Variants in RIMS2 observed in about 807,000 individuals in gnomAD.
RIMS2 encodes the protein regulating synaptic membrane exocytosis protein 2.
RIMS2 carries 59 observed loss-of-function variants against 174.4 expected under a neutral mutation model. That is an observed-to-expected ratio of 0.34 (90% CI 0.27 to 0.42). RIMS2 has a LOEUF of 0.42. Ranked by LOEUF, RIMS2 falls within the 10% of genes least tolerant of loss-of-function variation. RIMS2 has a pLI of 1.00. For missense variants in RIMS2, 1,620 were observed against 1,666.3 expected (o/e 0.97, Z 0.48); for synonymous variants, 606 against 572.5 (o/e 1.06, Z -0.84).
intron 19 of RIMS2, among the ~76,000 whole-genome samples, chr8:104,170,762 A>G (rs1032359677): frequency 6.6e-6 from 1 of 151,994 alleles, no homozygotes; most frequent in East Asian, 1.9e-4. Flanking sequence ...TGTGAGATTT[A>G]TGATTTAAGG....
chr8:103,980,432 C>T (rs1363433151), intron 16 of RIMS2, among the ~76,000 whole-genome samples: 1 of 152,178 alleles, frequency 6.6e-6, no homozygotes, highest in East Asian at 1.9e-4. Context: ...CAATGATACC[C>T]AGGAACTATG....
chr8:103,772,956 A>G (rs2098270487), intron 3 of RIMS2, among the ~76,000 whole-genome samples: 1 of 152,222 alleles, frequency 6.6e-6, no homozygotes, highest in Non-Finnish European at 1.5e-5. Context: ...AAAGTGGATC[A>G]TAGAGATAAA....
At chr8:104,098,545 T>A (rs2097801705) in intron 19 of RIMS2, among the ~76,000 whole-genome samples, 1 of 152,172 alleles carries the variant, frequency 6.6e-6, no homozygotes, top group African/African-American at 2.4e-5. Flanking sequence ...CTCTATACAC[T>A]TATGGTTCTC....
chr8:103,618,990 C>A (rs1487602075), intron 1 of RIMS2, among the ~76,000 whole-genome samples: 1 of 150,928 alleles, frequency 6.6e-6, no homozygotes, highest in Non-Finnish European at 1.5e-5. Flanking sequence ...ATAAAAGTTG[C>A]TTGAATGACA....
At chr8:103,628,359 T>G (rs1221897332) in intron 1 of RIMS2, among the ~76,000 whole-genome samples, 1 of 151,210 alleles carries the variant, frequency 6.6e-6, no homozygotes, top group African/African-American at 2.4e-5. Flanking sequence ...TCCCTGTTTT[T>G]TTTTTTTTTT....
At chr8:104,223,781 G>A (rs2138701963) in intron 19 of RIMS2, 2 of 1,596,358 alleles carry the variant, frequency 1.3e-6, no homozygotes, top group African/African-American at 1.3e-5. Flanking sequence ...CTCCCTGGAG[G>A]AGGAAGAAGG....
At chr8:103,851,583 C>T (rs763041997) in intron 3 of RIMS2, among the ~76,000 whole-genome samples, 2 of 150,344 alleles carry the variant, frequency 1.3e-5, no homozygotes, top group Non-Finnish European at 3.0e-5. Flanking sequence ...CTTATAGTTG[C>T]TAGCTGCAGA....
intron 19 of RIMS2, among the ~76,000 whole-genome samples, chr8:104,047,163 TTAAG>T (rs1300571252): frequency 2.0e-5 from 3 of 152,026 alleles, no homozygotes; most frequent in Non-Finnish European, 4.4e-5. Context: ...TATTTAGTGA[TTAAG>T]TAAGTCATTT....
At chr8:103,633,120 G>A (rs988671214) in intron 1 of RIMS2, among the ~76,000 whole-genome samples, 1 of 150,490 alleles carries the variant, frequency 6.6e-6, no homozygotes, top group Non-Finnish European at 1.5e-5. Context: ...TCCATCTCCT[G>A]AGTTCAGGCA....
chr8:103,940,659 T>C (rs919913611), intron 13 of RIMS2, among the ~76,000 whole-genome samples: 1 of 152,074 alleles, frequency 6.6e-6, no homozygotes, highest in Non-Finnish European at 1.5e-5. Context: ...GCAGATCACC[T>C]GAGGTCAGGA....
chr8:103,711,353 G>T (rs559528360), intron 2 of RIMS2, among the ~76,000 whole-genome samples: 3 of 152,128 alleles, frequency 2.0e-5, no homozygotes, highest in Admixed American at 1.3e-4. Context: ...ATTTCATTCA[G>T]GCAACAGATT....
intron 2 of RIMS2, among the ~76,000 whole-genome samples, chr8:103,699,165 A>G (rs79329699): frequency 6.6e-4 from 100 of 152,308 alleles, no homozygotes; most frequent in Middle Eastern, 3.4e-3. Context: ...TTTAGTATCC[A>G]TGGAATCTGC....
At chr8:103,517,870 A>G (rs887936105) in intron 1 of RIMS2, among the ~76,000 whole-genome samples, 2 of 151,732 alleles carry the variant, frequency 1.3e-5, no homozygotes, top group Non-Finnish European at 2.9e-5. Context: ...TGGAAGAAGA[A>G]GAATTGTCTT....
intron 19 of RIMS2, 86 bp downstream of exon 24, chr8:104,093,729 T>C (rs1448950326): frequency 1.9e-6 from 2 of 1,033,310 alleles, no homozygotes; most frequent in Non-Finnish European, 2.7e-6. Context: ...TATTTATTTC[T>C]AACAGGTTAA....
intron 1 of RIMS2, among the ~76,000 whole-genome samples, chr8:103,517,706 G>A (rs1829651020): frequency 6.6e-6 from 1 of 152,098 alleles, no homozygotes; most frequent in Non-Finnish European, 1.5e-5. Flanking sequence ...GTGCCCTGTT[G>A]TTGGTGGAGG....
chr8:104,148,821 C>T (rs1421709669), intron 19 of RIMS2: 7 of 1,598,192 alleles, frequency 4.4e-6, no homozygotes, highest in South Asian at 3.3e-5. Flanking sequence ...ACGGAAAAGT[C>T]GCAGTGCTTC....
chr8:103,721,444 G>A (rs985431578), intron 2 of RIMS2, among the ~76,000 whole-genome samples: 19 of 152,140 alleles, frequency 1.2e-4, no homozygotes, highest in Non-Finnish European at 7.3e-5. Context: ...TATAAAAAGT[G>A]TATATGACAA....
chr8:103,577,519 G>A (rs2093333875), intron 1 of RIMS2, among the ~76,000 whole-genome samples: 1 of 152,162 alleles, frequency 6.6e-6, no homozygotes, highest in African/African-American at 2.4e-5. Flanking sequence ...TAGGTGACGG[G>A]TTGACAGGTG....
chr8:103,660,952 T>C (rs1228106002), intron 1 of RIMS2, among the ~76,000 whole-genome samples: 1 of 152,206 alleles, frequency 6.6e-6, no homozygotes. Flanking sequence ...AAAGTAGCAC[T>C]GAGATCAAGA....
Sources: gnomAD v4.1 joint callset for allele counts (sites outside exome capture counted in the v4.1 genomes callset) on GRCh38, gnomAD v4.1.1 for gene constraint, MANE v1.5 for transcripts, NCBI Gene and HGNC (gene_info 2026-07-23, HGNC 2026-07-21) for gene names.